Variants in LUC7L2 observed in about 807,000 individuals in gnomAD.
The protein encoded by LUC7L2 is LUC7 like 2, pre-mRNA splicing factor, also known as putative RNA-binding protein Luc7-like 2.
Under a neutral mutation model 52.8 loss-of-function variants are expected in LUC7L2, and 25 were observed. The observed-to-expected ratio is 0.47, with a 90% CI of 0.34 to 0.66. The LOEUF is 0.66. Among genes scored for constraint, LUC7L2 ranks in the 30% least tolerant of loss-of-function variants. LUC7L2 has a pLI of 0.01. For missense variants in LUC7L2, 328 were observed against 497.8 expected (o/e 0.66, Z 3.25); for synonymous variants, 144 against 160.9 (o/e 0.89, Z 0.80).
intron 9 of LUC7L2, among the ~76,000 whole-genome samples, chr7:139,418,010 G>GT (rs1795703548): frequency 6.6e-6 from 1 of 152,140 alleles, no homozygotes; most frequent in Admixed American, 6.6e-5. Flanking sequence ...TTCTTTACAG[G>GT]TAAATAATTT....
chr7:139,407,275 A>G lies in LUC7L2; in HGVS notation c.612A>G (p.Arg204=), dbSNP rs575779579. The G allele has an allele frequency of 2.3e-4, 374 of 1,612,218 alleles. 2 individuals carry two copies. The Middle Eastern group carries it at 2.5e-3, about 11-fold the overall frequency. Residue 204 remains arginine, a synonymous_variant, in exon 6 of 10, where the codon AGA becomes AGG. Transcript: ENST00000354926. ...SAYLGLHDND[R]RLADHFGGKL... is the part of the protein sequence containing the mutation. Reference sequence around the variant, plus strand: ...ATTTAGGACTTCATGATAATGACAGACGACTGGCTGATCATTTTGGGGGTA... The same window carrying G: ...ATTTAGGACTTCATGATAATGACAGGCGACTGGCTGATCATTTTGGGGGTA...
intron 1 of LUC7L2, chr7:139,374,360 A>C: frequency 6.9e-7 from 1 of 1,442,808 alleles, no homozygotes; most frequent in Non-Finnish European, 9.5e-7. Flanking sequence ...AGTTTATTCT[A>C]TACAAAATGA....
chr7:139,375,066 C>A, intron 1 of LUC7L2: 3 of 983,300 alleles, frequency 3.1e-6, no homozygotes, highest in Non-Finnish European at 3.6e-6. Context: ...AATAAAACAC[C>A]TACATTTCTT....
At chr7:139,396,099 C>T (rs1449008860) in intron 2 of LUC7L2, among the ~76,000 whole-genome samples, 1 of 152,124 alleles carries the variant, frequency 6.6e-6, no homozygotes, top group Non-Finnish European at 1.5e-5. Flanking sequence ...TGGGAACTCC[C>T]TAACTCTGAG....
intron 8 of LUC7L2, among the ~76,000 whole-genome samples, chr7:139,413,519 T>C (rs1200688866): frequency 1.3e-5 from 2 of 152,242 alleles, no homozygotes; most frequent in African/African-American, 2.4e-5. Flanking sequence ...CTCACGCTTA[T>C]ACCATCACAG....
At chr7:139,405,427 T>C (rs17160886) in intron 4 of LUC7L2, among the ~76,000 whole-genome samples, 3,101 of 152,222 alleles carry the variant, frequency 0.02, 48 homozygotes, top group Middle Eastern at 0.044. Flanking sequence ...TAGAAAGTTA[T>C]ATTGGGCCCA....
chr7:139,347,162 G>A (rs1799296176), intron 1 of LUC7L2, among the ~76,000 whole-genome samples: 1 of 151,828 alleles, frequency 6.6e-6, no homozygotes, highest in Non-Finnish European at 1.5e-5. Context: ...CTTTTCTCGG[G>A]GACTATGTCT....
chr7:139,367,457 T>G (rs1800220849), intron 1 of LUC7L2, among the ~76,000 whole-genome samples: 1 of 152,176 alleles, frequency 6.6e-6, no homozygotes, highest in Admixed American at 6.5e-5. Flanking sequence ...GTGCTAAAAA[T>G]TAGAAGTTGT....
At chr7:139,340,748 G>A (rs970995818) in intron 1 of LUC7L2, 3 of 376,230 alleles carry the variant, frequency 8.0e-6, no homozygotes, top group African/African-American at 2.1e-5. Context: ...GCCAGGGATT[G>A]TGGGTTCGAG....
intron 1 of LUC7L2, among the ~76,000 whole-genome samples, chr7:139,350,824 C>A (rs1016604698): frequency 6.6e-6 from 1 of 151,886 alleles, no homozygotes; most frequent in Non-Finnish European, 1.5e-5. Context: ...TAACAGGCGC[C>A]CGCCACAACG....
At position 139,423,052 on chromosome 7, in the gene LUC7L2, CTT is replaced by C. The variant is rs757317770; in HGVS notation, c.*715_*716del. On this transcript the variant is annotated 3_prime_UTR_variant, in exon 10 of 10. Coordinates refer to ENST00000354926, the MANE Select transcript of LUC7L2 (RefSeq NM_016019.5). ...GTTCTAGGGGGTGGGGGCAGGGACT[CTT>C]TTCGTAATAAGCACTTGTTTTATTT... The C allele has an allele frequency of 3.4e-4, 134 of 398,724 alleles. No individual in the cohort carries two copies. Among genetic ancestry groups the C allele is most frequent in the East Asian group, 2.4e-3 (67 of 28,078 alleles). 24.7% of individuals were successfully genotyped at this position (398,724 alleles called of 1,614,324 possible).
intron 7 of LUC7L2, 112 bp downstream of exon 7, chr7:139,409,766 T>C: frequency 7.3e-7 from 1 of 1,366,564 alleles, no homozygotes; most frequent in Non-Finnish European, 9.5e-7. Context: ...CGTGGGAAAC[T>C]TCTGCTTACT....
At chr7:139,368,467 T>C (rs988822706) in intron 1 of LUC7L2, among the ~76,000 whole-genome samples, 2 of 152,290 alleles carry the variant, frequency 1.3e-5, no homozygotes, top group South Asian at 4.1e-4. Flanking sequence ...GGCCGGGCAC[T>C]GTGGCTCACG....
Position 139,394,721 on chromosome 7 carries a change from ATGT to A in LUC7L2, c.157-3874_157-3872del, listed in dbSNP as rs78053598. Reference sequence around the variant, plus strand: ...GAATCTCTGTGGTGAGCTTTCTTAGATGTTGTGGGGAATGACTTACTGAAAAAT... The same window carrying A: ...GAATCTCTGTGGTGAGCTTTCTTAGATGTGGGGAATGACTTACTGAAAAAT... On this transcript the variant is annotated intron_variant, in intron 2 of 9. Transcript: ENST00000354926. Among the ~76,000 whole-genome samples, 8 of 152,306 alleles carry A rather than the reference ATGT, an allele frequency of 5.3e-5. No individual in the cohort carries two copies. The East Asian group carries it at 1.2e-3, about 22-fold the overall frequency.
At chr7:139,367,850 A>G (rs1009755449) in intron 1 of LUC7L2, among the ~76,000 whole-genome samples, 6 of 152,302 alleles carry the variant, frequency 3.9e-5, no homozygotes, top group Admixed American at 2.6e-4. Context: ...GTGTTTCTGC[A>G]GGATTTCACC....
At chr7:139,395,147 T>G (rs1022594283) in intron 2 of LUC7L2, among the ~76,000 whole-genome samples, 1 of 152,200 alleles carries the variant, frequency 6.6e-6, no homozygotes, top group Admixed American at 6.5e-5. Flanking sequence ...AATAAAATAT[T>G]AAGGAAGTTG....
chr7:139,359,729 C>G (rs908712320), upstream of LUC7L2: 12 of 399,722 alleles, frequency 3.0e-5, no homozygotes, highest in Admixed American at 2.2e-4. Context: ...AGTTAAGGAA[C>G]CAGAGTATCG....
At chr7:139,375,964 G>C in intron 1 of LUC7L2, 98 bp from the exon 2 acceptor site, 2 of 1,229,480 alleles carry the variant, frequency 1.6e-6, no homozygotes, top group Non-Finnish European at 2.3e-6. Context: ...TATAATGTGT[G>C]TATATAGCCA....
intron 1 of LUC7L2, among the ~76,000 whole-genome samples, chr7:139,368,335 T>C (rs1800268775): frequency 1.3e-5 from 2 of 152,312 alleles, no homozygotes; most frequent in South Asian, 2.1e-4. Flanking sequence ...TCTGTGATAG[T>C]GATTATAGGT....
Sources: allele counts gnomAD v4.1 joint callset (sites outside exome capture counted in the v4.1 genomes callset), GRCh38; gene constraint gnomAD v4.1.1; transcripts MANE v1.5; gene names NCBI Gene and HGNC (gene_info 2026-07-23, HGNC 2026-07-21).